NOTUM: variants seen among roughly 807,000 people sequenced by gnomAD.
The protein encoded by NOTUM is palmitoleoyl-protein carboxylesterase NOTUM.
In NOTUM, 36 loss-of-function variants were observed where a neutral mutation model predicts 65.5. That is an observed-to-expected ratio of 0.55 (90% CI 0.42 to 0.73). The LOEUF (loss-of-function observed/expected upper bound fraction) is 0.73. Ranked by LOEUF, NOTUM falls within the 30% of genes least tolerant of loss-of-function variation. The probability of loss-of-function intolerance (pLI) is 0.00; values close to 1 mark genes in which losing one functional copy is unlikely to be tolerated. For synonymous variants in NOTUM, 356 were observed against 297.9 expected (o/e 1.20, Z -2.01); for missense variants, 659 against 694.2 (o/e 0.95, Z 0.57).
At chr17:81,958,790 T>G (rs1167945438) in intron 4 of NOTUM, 145 bp downstream of exon 4, 2 of 661,038 alleles carry the variant, frequency 3.0e-6, no homozygotes, top group Non-Finnish European at 5.4e-6. Flanking sequence ...CCAGAACCCC[T>G]CTAGGACAGG....
In NOTUM at chr17:81,960,888, G is replaced by C; in HGVS notation, c.22C>G (p.Leu8Val). MGRGVRVLLLLSLLHCAG... is the reference protein window; with the variant it reads MGRGVRVVLLLSLLHCAG... Reference sequence around the variant, plus strand: ...CAGTGCAGCAGGCTCAGCAGCAGCAGCACGCGCACCCCTCGGCCCATGGCC... The same window carrying C: ...CAGTGCAGCAGGCTCAGCAGCAGCACCACGCGCACCCCTCGGCCCATGGCC... The change falls in exon 1 of 11, where the codon CTG (leucine) becomes GTG (valine). Residue 8 changes from leucine (L) to valine (V), a missense_variant. Coordinates refer to ENST00000409678, the MANE Select transcript of NOTUM (RefSeq NM_178493.6). This position sits in a 1 kb window ranked among gnomAD's most constrained non-coding sequence, Gnocchi z 6.4. 2.9e-6 allele frequency: 4 copies of C among 1,375,592 alleles called. No individual in the cohort carries two copies. The highest frequency in any genetic ancestry group is 3.7e-6 in the Non-Finnish European group (4 of 1,067,292). The allele number at this position is 1,375,592 out of a possible 1,614,324, so 85.2% of individuals were successfully genotyped here.
At chr17:81,954,389 T>G in intron 9 of NOTUM, 86 bp from the exon 10 acceptor site, 1 of 877,376 alleles carries the variant, frequency 1.1e-6, no homozygotes, top group Non-Finnish European at 1.8e-6. Context: ...GTCCCCCGCC[T>G]GGCCATCACC....
At chr17:81,956,598 G>A (rs545750044) in intron 8 of NOTUM, 52 bp downstream of exon 8, 33 of 1,260,666 alleles carry the variant, frequency 2.6e-5, no homozygotes, top group Middle Eastern at 3.7e-4. Flanking sequence ...CAGAAGCAAG[G>A]AAGTGTGGCC....
rs762275549 is a variant in NOTUM at position 81,957,837 on chromosome 17, C to A, written c.664G>T (p.Gly222Trp). 7 of 1,608,578 alleles carry A rather than the reference C, an allele frequency of 4.4e-6. No homozygotes were observed. Among genetic ancestry groups the A allele is most frequent in the South Asian group, 1.1e-5 (1 of 89,956 alleles). Residue 222 changes from glycine to tryptophan, a missense_variant, in exon 6 of 11, where the codon GGG (glycine) becomes TGG (tryptophan). Transcript: ENST00000409678. ...VRELLGRGLS[G>W]AKVLLLAGSS... The stretch of plus-strand genomic sequence containing the variant: ...CCGGCCAGCAGCAGCACCTTGGCCC[C>A]GCTCAGCCCTCTGCCCAGAAGCTCC...
In NOTUM at chr17:81,956,966, G is replaced by A. The variant is rs755749056; in HGVS notation, c.804C>T (p.Phe268=). 1.2e-6 allele frequency: 2 copies of A among 1,613,390 alleles called. No homozygotes were observed. Among genetic ancestry groups the A allele is most frequent in the East Asian group, 2.2e-5 (1 of 44,874 alleles). The change falls in exon 7 of 11, where the codon TTC becomes TTT. Residue 268 remains phenylalanine, a synonymous_variant. Coordinates refer to ENST00000409678, the MANE Select transcript of NOTUM (RefSeq NM_178493.6). The stretch of plus-strand genomic sequence containing the variant: ...TGTGGCGATACTGCTTGTTGTCCAG[G>A]AACCAGCCGGAGTCAGCCAGGCCTC... ...QVRGLADSGW[F]LDNKQYRHTD...
At position 81,956,723 on chromosome 17, in the gene NOTUM, G is replaced by A; in HGVS notation, c.915C>T (p.Arg305=). Residue 305 remains arginine (R), a synonymous_variant, in exon 8 of 11, where the codon CGC becomes CGT. Coordinates refer to ENST00000409678, the MANE Select transcript of NOTUM (RefSeq NM_178493.6). ...CGCCCTCCTGGAACTGGCGTCGGCA[G>A]CGCTCCGGGACCACCCCGTTCCAGT... ...IRYWNGVVPE[R]CRRQFQEGEE... is the part of the protein sequence containing the mutation. 1 of 1,612,908 alleles carries A rather than the reference G, an allele frequency of 6.2e-7. No homozygotes were observed. Among genetic ancestry groups the A allele is most frequent in the Non-Finnish European group, 8.5e-7 (1 of 1,179,894 alleles).
chr17:81,959,285 G>A (rs1308815784), intron 3 of NOTUM, 186 bp downstream of exon 3: 1 of 615,812 alleles, frequency 1.6e-6, no homozygotes, highest in Non-Finnish European at 2.9e-6. Flanking sequence ...CTGGGTAAGC[G>A]CCTGAATGCT....
intron 9 of NOTUM, among the ~76,000 whole-genome samples, chr17:81,954,970 TTC>T (rs1179483079): frequency 3.4e-5 from 5 of 149,180 alleles, no homozygotes; most frequent in Admixed American, 6.7e-5. Flanking sequence ...CTCTCTCTCT[TTC>T]TCTCTCTCTC....
chr17:81,956,793 C>A, intron 7 of NOTUM, 43 bp from the exon 8 acceptor site: 2 of 1,593,608 alleles, frequency 1.3e-6, no homozygotes, highest in Middle Eastern at 1.7e-4. Context: ...GGTCTCGTCC[C>A]CCGGGGCTCC....
At position 81,957,788 on chromosome 17, in the gene NOTUM, C is replaced by A. The variant is rs2041444552; in HGVS notation, c.695+18G>T. 4 of 1,568,842 alleles carry A rather than the reference C, an allele frequency of 2.5e-6. No individual in the cohort carries two copies. Among genetic ancestry groups the A allele is most frequent in the African/African-American group, 2.7e-5 (2 of 73,798 alleles). On this transcript the variant is annotated intron_variant, in intron 6 of 10. Coordinates refer to ENST00000409678, the MANE Select transcript of NOTUM (RefSeq NM_178493.6). ...CCGTCCTCACCCCTCACCTCCAGCC[C>A]TGCCCCGCCCTGCCCACCTGCTCCC...
Position 81,960,903 on chromosome 17 carries a change from G to A in NOTUM, c.7C>T (p.Arg3Ter). The A allele has an allele frequency of 1.6e-6, 2 of 1,253,642 alleles. No individual in the cohort carries two copies. The highest frequency in any genetic ancestry group is 2.0e-6 in the Non-Finnish European group (2 of 999,286). The allele number at this position is 1,253,642 out of a possible 1,614,324, so 77.7% of individuals were successfully genotyped here. A position where few individuals can be genotyped will look rare whatever the true frequency, so the allele number is the denominator to read the frequency against. The part of the protein sequence containing the change: MG[R>*]GVRVLLLLSL... ...AGCAGCAGCAGCACGCGCACCCCTC[G>A]GCCCATGGCCGCGTCCACCTGCGGG... is the stretch of plus-strand genomic sequence containing the variant. Residue 3 changes from arginine (R) to a stop codon, truncating the protein, a stop_gained, in exon 1 of 11, where the codon CGA (arginine) becomes TGA (stop). Coordinates refer to ENST00000409678, the MANE Select transcript of NOTUM (RefSeq NM_178493.6). LOFTEE classifies it high-confidence loss of function. The surrounding 1 kb of genome is among the most constrained non-coding windows in gnomAD (Gnocchi z 6.4).
At chr17:81,958,910 C>A in intron 4 of NOTUM, 25 bp downstream of exon 4, 1 of 1,597,696 alleles carries the variant, frequency 6.3e-7, no homozygotes, top group Non-Finnish European at 8.6e-7. Context: ...GCAGGACTCC[C>A]AGGCAAGACC....
Position 81,959,453 on chromosome 17 carries a change from C to T in NOTUM, c.472+18G>A. ...CGGGCCTCACGTCGAGACGCCTTCCCCAGGGCCCGCCGCTGACCTGTGCGA... is the reference window on the plus strand; with the variant it reads ...CGGGCCTCACGTCGAGACGCCTTCCTCAGGGCCCGCCGCTGACCTGTGCGA... On this transcript the variant is annotated intron_variant, in intron 3 of 10. Transcript: ENST00000409678. The T allele has an allele frequency of 1.3e-6, 2 of 1,538,358 alleles. No individual in the cohort carries two copies. The highest frequency in any genetic ancestry group is 8.8e-7 in the Non-Finnish European group (1 of 1,140,862).
Position 81,952,722 on chromosome 17 carries a change from T to C in NOTUM, c.*239A>G, listed in dbSNP as rs555405497. 594 of 569,982 alleles carry C rather than the reference T, an allele frequency of 1.0e-3. 2 individuals carry two copies. Among genetic ancestry groups the C allele is most frequent in the African/African-American group, 7.3e-3 (386 of 53,216 alleles). 35.3% of individuals were successfully genotyped at this position (569,982 alleles called of 1,614,324 possible). On this transcript the variant is annotated 3_prime_UTR_variant, in exon 11 of 11. Transcript: ENST00000409678. Reference sequence around the variant, plus strand: ...GCTTCTCTTCTGGCTACCCCCTCGTTGTCAGGAAGGACCCCCAGGCCACAG... The same window carrying C: ...GCTTCTCTTCTGGCTACCCCCTCGTCGTCAGGAAGGACCCCCAGGCCACAG...
At position 81,952,865 on chromosome 17, in the gene NOTUM, G is replaced by C. The variant is rs951473259; in HGVS notation, c.*96C>G. The C allele has an allele frequency of 1.8e-5, 21 of 1,142,850 alleles. No homozygotes were observed. Among genetic ancestry groups the C allele is most frequent in the Non-Finnish European group, 2.3e-5 (18 of 781,994 alleles). 70.8% of individuals were successfully genotyped at this position (1,142,850 alleles called of 1,614,324 possible). ...GGGGGGACGGCTGGGGCCCTGTCCCGAAGAGACGGGAGGGCCTGCTGGTGG... is the reference window on the plus strand; with the variant it reads ...GGGGGGACGGCTGGGGCCCTGTCCCCAAGAGACGGGAGGGCCTGCTGGTGG... On this transcript the variant is annotated 3_prime_UTR_variant, in exon 11 of 11. Transcript: ENST00000409678.
intron 3 of NOTUM, 31 bp downstream of exon 3, chr17:81,959,440 C>A: frequency 6.6e-7 from 1 of 1,512,980 alleles, no homozygotes. Context: ...GGCCTCACGT[C>A]GAGACGCCTT....
In NOTUM at chr17:81,960,319, G is replaced by A. The variant is rs1264609707; in HGVS notation, c.323+268C>T. On this transcript the variant is annotated intron_variant, in intron 1 of 10. Transcript: ENST00000409678. The surrounding 1 kb of genome is among the most constrained non-coding windows in gnomAD (Gnocchi z 6.4). ...CGCGCTCTCGGGCTGCCATCTCCCC[G>A]CCCCGGGACCGAAGGACGCCAGCAG... Among the ~76,000 whole-genome samples, 1 of 152,210 alleles carries A rather than the reference G, an allele frequency of 6.6e-6. No individual in the cohort carries two copies. The highest frequency in any genetic ancestry group is 6.5e-5 in the Admixed American group (1 of 15,290).
Position 81,953,111 on chromosome 17 carries a change from G to C in NOTUM, c.1341C>G (p.Pro447=), listed in dbSNP as rs1028790061. 1.4e-5 allele frequency: 22 copies of C among 1,613,814 alleles called. No homozygotes were observed. Among genetic ancestry groups the C allele is most frequent in the Admixed American group, 6.7e-5 (4 of 59,992 alleles). Residue 447 remains proline, a synonymous_variant, in exon 11 of 11, where the codon CCC becomes CCG. Transcript: ENST00000409678. ...VDSCPWPHCN[P]SCPTVRDQFT... ...ACTGGTCTCGGACGGTGGGGCATGA[G>C]GGGTTGCAGTGGGGCCAGGGGCAGC...
In NOTUM at chr17:81,960,563, G is replaced by A. The variant is rs1479329263; in HGVS notation, c.323+24C>T. 2 of 1,435,170 alleles carry A rather than the reference G, an allele frequency of 1.4e-6. No homozygotes were observed. Among genetic ancestry groups the A allele is most frequent in the South Asian group, 1.4e-5 (1 of 73,016 alleles). 88.9% of individuals were successfully genotyped at this position (1,435,170 alleles called of 1,614,324 possible). On this transcript the variant is annotated intron_variant, in intron 1 of 10. Transcript: ENST00000409678. This position sits in a 1 kb window ranked among gnomAD's most constrained non-coding sequence, Gnocchi z 6.4. ...AGACCGGGCGCGTCGGGCGGGGCGG[G>A]GAGGTGCAGGGCGCGGGCCTTACCC...
Sources: allele counts gnomAD v4.1 joint callset (sites outside exome capture counted in the v4.1 genomes callset), GRCh38; gene constraint gnomAD v4.1.1; non-coding constraint Gnocchi (gnomAD v3.1); transcripts MANE v1.5; gene names NCBI Gene and HGNC (gene_info 2026-07-23, HGNC 2026-07-21).